SYNJ2: variants seen among roughly 807,000 people sequenced by gnomAD.
SYNJ2 encodes synaptojanin 2.
In SYNJ2, 116 loss-of-function variants were observed where a neutral mutation model predicts 141.3. The ratio of observed to expected loss-of-function variants is 0.82; its 90% confidence interval spans 0.71 to 0.96. SYNJ2 has a LOEUF of 0.96. Ranked by LOEUF, SYNJ2 falls within the 40% of genes least tolerant of loss-of-function variation. The pLI is 0.00. For missense variants in SYNJ2, 1,873 were observed against 1,934.8 expected (o/e 0.97, Z 0.60); for synonymous variants, 745 against 777.7 (o/e 0.96, Z 0.70).
chr6:157,997,682 A>G (rs2128318335), intron 1 of SYNJ2, among the ~76,000 whole-genome samples: 1 of 152,268 alleles, frequency 6.6e-6, no homozygotes, highest in East Asian at 1.9e-4. Flanking sequence ...GGCATTGTGT[A>G]TCTCGTTCAG....
chr6:158,076,860 A>G (rs189187572), intron 17 of SYNJ2, 78 bp downstream of exon 17: 26 of 1,485,710 alleles, frequency 1.8e-5, no homozygotes, highest in South Asian at 1.4e-4. Flanking sequence ...CGTTTACCCA[A>G]CCCCAGGCGC....
chr6:158,021,654 G>T (rs536198066), intron 2 of SYNJ2, among the ~76,000 whole-genome samples: 2 of 152,162 alleles, frequency 1.3e-5, no homozygotes, highest in Non-Finnish European at 2.9e-5. Context: ...GACTCCTGGT[G>T]GGGGGCTCCT....
At chr6:158,000,768 C>T (rs1317070291) in intron 1 of SYNJ2, among the ~76,000 whole-genome samples, 3 of 152,112 alleles carry the variant, frequency 2.0e-5, no homozygotes, top group Admixed American at 6.5e-5. Flanking sequence ...CCTTACAGCA[C>T]GCACTCCCCC....
At chr6:157,987,783 A>G (rs76451980) in intron 1 of SYNJ2, among the ~76,000 whole-genome samples, 2,756 of 152,346 alleles carry the variant, frequency 0.018, 80 homozygotes, top group African/African-American at 0.063. Flanking sequence ...TATAGTTACC[A>G]TGCTATGCAA....
chr6:158,036,668 TG>T (rs1779655490), intron 4 of SYNJ2, among the ~76,000 whole-genome samples: 1 of 152,136 alleles, frequency 6.6e-6, no homozygotes, highest in Non-Finnish European at 1.5e-5. Flanking sequence ...AAATAACTAG[TG>T]GGTGCTGCTA....
chr6:158,062,108 A>G lies in SYNJ2; in HGVS notation c.1071A>G (p.Leu357=), dbSNP rs1456348761. 1.9e-6 allele frequency: 3 copies of G among 1,614,014 alleles called. No individual in the cohort carries two copies. In the African/African-American group the frequency reaches 4.0e-5, roughly 22 times the overall value. The change falls in exon 8 of 27, where the codon TTA becomes TTG. Residue 357 remains leucine (L), a synonymous_variant. Transcript: ENST00000355585. ...TGGAGACCCTCTTGAGGCCACAGTT[A>G]AAGCTGCACTGGGAAGACTTCGATG... ...EKLETLLRPQ[L]KLHWEDFDVF... is the part of the protein sequence containing the mutation.
In SYNJ2 at chr6:158,078,162, A is replaced by G. The variant is rs200024869; in HGVS notation, c.2450-2A>G. 1.6e-4 allele frequency: 255 copies of G among 1,600,348 alleles called. No homozygotes were observed. Among genetic ancestry groups the G allele is most frequent in the Admixed American group, 2.3e-4 (14 of 59,800 alleles). On this transcript the variant is annotated splice_acceptor_variant, in intron 17 of 26. Coordinates refer to ENST00000355585, the MANE Select transcript of SYNJ2 (RefSeq NM_003898.4). LOFTEE classifies it high-confidence loss of function. ...TCTCTCGAATGGAACCCCTGCGAGT[A>G]GCTGGAGAACTCAACCTTCTAGACA...
intron 1 of SYNJ2, among the ~76,000 whole-genome samples, chr6:158,000,084 T>A (rs928159833): frequency 6.3e-5 from 4 of 63,926 alleles, no homozygotes; most frequent in South Asian, 6.8e-4. Context: ...TTTTTTTTTT[T>A]TTTTTTTTTT....
intron 1 of SYNJ2, among the ~76,000 whole-genome samples, chr6:158,015,781 A>G (rs984142503): frequency 5.9e-5 from 9 of 152,212 alleles, no homozygotes; most frequent in Admixed American, 2.6e-4. Context: ...AACATTTTTT[A>G]AAAATTTTGA....
chr6:158,071,732 T>A lies in SYNJ2; in HGVS notation c.2071T>A (p.Ser691Thr). The change falls in exon 15 of 27, where the codon TCC becomes ACC. Residue 691 changes from serine to threonine, a missense_variant. Transcript: ENST00000355585. This position sits in a 1 kb window ranked among gnomAD's most constrained non-coding sequence, Gnocchi z 4.3. ...FICSHLTAGQ[S>T]QVKERNEDYK... is the part of the protein sequence containing the mutation. ...ATGTAGTCACCTGACGGCCGGGCAGTCCCAGGTGAAGGAGCGGAATGAAGA... is the reference window on the plus strand; with the variant it reads ...ATGTAGTCACCTGACGGCCGGGCAGACCCAGGTGAAGGAGCGGAATGAAGA... The A allele has an allele frequency of 6.2e-7, 1 of 1,613,912 alleles. No individual in the cohort carries two copies. The highest frequency in any genetic ancestry group is 8.5e-7 in the Non-Finnish European group (1 of 1,180,014).
chr6:158,059,557 T>TG (rs112203483), intron 7 of SYNJ2: 165 of 132,432 alleles, frequency 1.2e-3, no homozygotes, highest in African/African-American at 4.0e-3. Flanking sequence ...ATTTCTTTTC[T>TG]TTTTTTTTTT....
rs374722857 is a variant in SYNJ2, at chr6:158,066,550, G to A, written c.1632G>A (p.Gln544=). ...MGTWNVNGGK[Q]FRSNVLRTAE... ...CCTGGAACGTGAACGGAGGAAAGCA[G>A]TTCCGGAGCAACGTGCTCAGGACGG... The change falls in exon 12 of 27, where the codon CAG becomes CAA. Residue 544 remains glutamine, a synonymous_variant. Transcript: ENST00000355585. 83 of 1,614,216 alleles carry A rather than the reference G, an allele frequency of 5.1e-5. No homozygotes were observed. The South Asian group carries it at 7.9e-4, about 15-fold the overall frequency.
At chr6:158,044,483 T>C (rs1780130045) in intron 5 of SYNJ2, among the ~76,000 whole-genome samples, 1 of 152,080 alleles carries the variant, frequency 6.6e-6, no homozygotes, top group African/African-American at 2.4e-5. Flanking sequence ...ATTCAGTCTT[T>C]CCACTAGAAA....
intron 12 of SYNJ2, among the ~76,000 whole-genome samples, chr6:158,066,966 G>A (rs537552361): frequency 6.6e-6 from 1 of 152,254 alleles, no homozygotes; most frequent in East Asian, 1.9e-4. Context: ...TAACTGTGAG[G>A]TTGGGAGCCA....
chr6:158,025,783 T>C (rs1435595333), intron 2 of SYNJ2, among the ~76,000 whole-genome samples: 2 of 152,080 alleles, frequency 1.3e-5, no homozygotes, highest in African/African-American at 4.8e-5. Flanking sequence ...AGAAATCCCA[T>C]CTCTACTAAA....
chr6:158,057,527 T>C (rs1458034927), intron 6 of SYNJ2, among the ~76,000 whole-genome samples: 1 of 152,216 alleles, frequency 6.6e-6, no homozygotes, highest in Non-Finnish European at 1.5e-5. Flanking sequence ...AGCCCTGCTT[T>C]ATAGATGAAG....
At chr6:158,095,483 A>G (rs1019592047) in intron 26 of SYNJ2, 135 bp from the exon 27 acceptor site, 17 of 1,187,266 alleles carry the variant, frequency 1.4e-5, no homozygotes, top group Non-Finnish European at 2.0e-5. Context: ...GGCACCCCAC[A>G]CATTCTCAAA....
chr6:158,052,290 C>T (rs957187398), intron 5 of SYNJ2, among the ~76,000 whole-genome samples: 4 of 152,358 alleles, frequency 2.6e-5, no homozygotes, highest in Admixed American at 6.5e-5. Flanking sequence ...CCCATATGTC[C>T]TTCACCCAGA....
intron 25 of SYNJ2, among the ~76,000 whole-genome samples, chr6:158,090,554 T>TG (rs1783378449): frequency 2.0e-5 from 3 of 148,838 alleles, no homozygotes; most frequent in Admixed American, 1.3e-4. Flanking sequence ...TTTTTTTTTT[T>TG]TTTTTTTTGA....
Sources: gnomAD v4.1 joint callset for allele counts (sites outside exome capture counted in the v4.1 genomes callset) on GRCh38, gnomAD v4.1.1 for gene constraint, Gnocchi (gnomAD v3.1) non-coding constraint, MANE v1.5 for transcripts, NCBI Gene and HGNC (gene_info 2026-07-23, HGNC 2026-07-21) for gene names.